SLIT3: variants seen among roughly 807,000 people sequenced by gnomAD.
SLIT3 encodes slit guidance ligand 3, also known as slit homolog 3 protein.
Under a neutral mutation model 184.0 loss-of-function variants are expected in SLIT3, and 68 were observed. The observed-to-expected ratio is 0.37, with a 90% CI of 0.30 to 0.45. SLIT3 has a LOEUF of 0.45. Ranked by LOEUF, SLIT3 falls within the 20% of genes least tolerant of loss-of-function variation. The pLI, the probability that SLIT3 is intolerant of heterozygous loss-of-function variation, is 1.00. For missense variants in SLIT3, 1,707 were observed against 2,026.0 expected, an observed-to-expected ratio of 0.84 and a Z score of 3.02; for synonymous variants, 831 against 828.6, an observed-to-expected ratio of 1.00 and a Z score of -0.05.
At chr5:168,709,262 A>T (rs933179310) in intron 25 of SLIT3, among the ~76,000 whole-genome samples, 13 of 151,856 alleles carry the variant, frequency 8.6e-5, no homozygotes, top group Admixed American at 7.2e-4. Flanking sequence ...CACCTGGCTA[A>T]TTTTTGTATT....
chr5:168,873,071 G>A (rs1759592167), intron 5 of SLIT3, among the ~76,000 whole-genome samples: 1 of 152,068 alleles, frequency 6.6e-6, no homozygotes, highest in South Asian at 2.1e-4. Context: ...CACTCCCCAT[G>A]AATCTGTCTG....
intron 4 of SLIT3, among the ~76,000 whole-genome samples, chr5:169,170,991 G>A (rs541243120): frequency 6.6e-6 from 1 of 152,312 alleles, no homozygotes; most frequent in East Asian, 1.9e-4. Flanking sequence ...CAGAAACAGA[G>A]GGAACATCTT....
chr5:169,240,578 T>C (rs1765365595), intron 3 of SLIT3, among the ~76,000 whole-genome samples: 1 of 103,878 alleles, frequency 9.6e-6, no homozygotes, highest in African/African-American at 3.3e-5. Flanking sequence ...GCTATCATTT[T>C]CTTTTTTTTT....
chr5:168,691,863 T>A (rs1014545864), intron 29 of SLIT3, among the ~76,000 whole-genome samples: 2 of 152,152 alleles, frequency 1.3e-5, no homozygotes, highest in African/African-American at 4.8e-5. Flanking sequence ...GGTCTCACAA[T>A]CTTCTCTAGA....
chr5:168,898,897 G>A (rs1367390351), intron 4 of SLIT3, among the ~76,000 whole-genome samples: 1 of 152,124 alleles, frequency 6.6e-6, no homozygotes, highest in African/African-American at 2.4e-5. Context: ...CCACAGAAAG[G>A]AGAAACAGCC....
intron 5 of SLIT3, among the ~76,000 whole-genome samples, chr5:168,851,436 A>G (rs1581145577): frequency 6.6e-6 from 1 of 152,188 alleles, no homozygotes. Context: ...AAGAACAACA[A>G]TAACAAAACA....
At chr5:169,017,548 T>C (rs1430472473) in intron 4 of SLIT3, among the ~76,000 whole-genome samples, 1 of 152,312 alleles carries the variant, frequency 6.6e-6, no homozygotes, top group East Asian at 1.9e-4. Flanking sequence ...AGGCAAGGCC[T>C]CGCTGGCAGC....
At chr5:169,228,422 A>C (rs1259544008) in intron 3 of SLIT3, among the ~76,000 whole-genome samples, 1 of 152,160 alleles carries the variant, frequency 6.6e-6, no homozygotes, top group East Asian at 1.9e-4. Context: ...GGTGACAAGG[A>C]GTGACGACTG....
chr5:169,070,788 C>T (rs1450386699), intron 4 of SLIT3, among the ~76,000 whole-genome samples: 1 of 116,822 alleles, frequency 8.6e-6, no homozygotes, highest in Non-Finnish European at 1.7e-5. Context: ...TTGCTCTCTA[C>T]ATTTTCCTCA....
intron 4 of SLIT3, among the ~76,000 whole-genome samples, chr5:168,948,880 G>T (rs1000583561): frequency 4.6e-5 from 7 of 152,194 alleles, no homozygotes; most frequent in Admixed American, 4.6e-4. Context: ...GTCAGGGCCT[G>T]GGATTTGGTC....
In SLIT3 at chr5:169,204,703, G is replaced by C. The variant is rs548526118; in HGVS notation, c.342-11153C>G. On this transcript the variant is annotated intron_variant, in intron 3 of 35. Transcript: ENST00000519560. Reference sequence around the variant, plus strand: ...GACGGGGGGTGGCAGATGTGGTGGTGGGTGTCTGTGGAGGGTCTCTTCTGA... The same window carrying C: ...GACGGGGGGTGGCAGATGTGGTGGTCGGTGTCTGTGGAGGGTCTCTTCTGA... Among the ~76,000 whole-genome samples the C allele has an allele frequency of 1.4e-4, 21 of 152,316 alleles. No individual in the cohort carries two copies. In the South Asian group the frequency reaches 4.2e-3, roughly 30 times the overall value.
rs1345033762 is a variant in SLIT3 at position 169,247,359 on chromosome 5, T to TTTACTTA, written c.270-2584_270-2583insTAAGTAA. On this transcript the variant is annotated intron_variant, in intron 2 of 35. Transcript: ENST00000519560. Reference sequence around the variant, plus strand: ...ACTTCAACACTACTGACTGGAGGTTTGCTGAGCTAAGTTTTTACTATCCAT... The same window carrying TTTACTTA: ...ACTTCAACACTACTGACTGGAGGTTTTTACTTAGCTGAGCTAAGTTTTTACTATCCAT... Among the ~76,000 whole-genome samples, 7 of 152,326 alleles carry TTTACTTA rather than the reference T, an allele frequency of 4.6e-5. No homozygotes were observed. In the East Asian group the frequency reaches 1.2e-3, roughly 25 times the overall value.
intron 4 of SLIT3, among the ~76,000 whole-genome samples, chr5:169,048,423 G>A (rs960034275): frequency 2.6e-5 from 4 of 152,166 alleles, no homozygotes; most frequent in African/African-American, 4.8e-5. Flanking sequence ...ACTGAATAGA[G>A]TCCTCAAGCT....
chr5:169,269,760 C>A lies in SLIT3; in HGVS notation c.198-18301G>T, dbSNP rs542743758. Among the ~76,000 whole-genome samples the A allele has an allele frequency of 3.4e-4, 52 of 152,372 alleles. No individual in the cohort carries two copies. The Middle Eastern group carries it at 0.01, about 30-fold the overall frequency. ...GAGAAGGGCCCAACTGCCTCTCCAA[C>A]CAAAACTTCATGTCCACTCCCAACG... is the stretch of plus-strand genomic sequence containing the variant. On this transcript the variant is annotated intron_variant, in intron 1 of 35. Transcript: ENST00000519560.
chr5:169,116,387 A>G (rs1760663164), intron 4 of SLIT3, among the ~76,000 whole-genome samples: 1 of 152,118 alleles, frequency 6.6e-6, no homozygotes, highest in Non-Finnish European at 1.5e-5. Context: ...ATGTCAGGAT[A>G]CAATGTTAGG....
At chr5:168,826,378 C>G (rs889712384) in intron 6 of SLIT3, among the ~76,000 whole-genome samples, 1 of 152,158 alleles carries the variant, frequency 6.6e-6, no homozygotes, top group African/African-American at 2.4e-5. Context: ...CCCTAATAAA[C>G]ACAGATTTAT....
chr5:168,847,708 C>T (rs935042137), intron 5 of SLIT3, among the ~76,000 whole-genome samples: 7 of 152,138 alleles, frequency 4.6e-5, no homozygotes, highest in Non-Finnish European at 7.4e-5. Context: ...TAAACACAAG[C>T]CCAGCATTTC....
intron 3 of SLIT3, among the ~76,000 whole-genome samples, chr5:169,197,291 G>A (rs1474933042): frequency 6.6e-6 from 1 of 152,132 alleles, no homozygotes; most frequent in Admixed American, 6.5e-5. Flanking sequence ...GCTCGAGCAG[G>A]TCGCCTGCTG....
chr5:169,162,700 T>C (rs1762517928), intron 4 of SLIT3, among the ~76,000 whole-genome samples: 1 of 152,218 alleles, frequency 6.6e-6, no homozygotes, highest in Admixed American at 6.5e-5. Context: ...TGAGTGGGAC[T>C]TTAATGAAGT....
Sources: gnomAD v4.1 joint callset for allele counts (sites outside exome capture counted in the v4.1 genomes callset) on GRCh38, gnomAD v4.1.1 for gene constraint, MANE v1.5 for transcripts, NCBI Gene and HGNC (gene_info 2026-07-23, HGNC 2026-07-21) for gene names.